Variants in SYT2 observed in about 807,000 individuals in gnomAD.
SYT2 encodes synaptotagmin-2.
A neutral mutation model predicts 39.9 loss-of-function variants in SYT2; 15 were observed. The observed-to-expected ratio is 0.38, with a 90% CI of 0.25 to 0.58. SYT2 has a LOEUF of 0.58. Ranked by LOEUF, SYT2 falls within the 20% of genes least tolerant of loss-of-function variation. The pLI is 0.70. For missense variants in SYT2, 389 were observed against 530.3 expected, an observed-to-expected ratio of 0.73 and a Z score of 2.62; for synonymous variants, 181 against 204.5, an observed-to-expected ratio of 0.89 and a Z score of 0.98.
chr1:202,616,900 C>T (rs536024246), intron 1 of SYT2, among the ~76,000 whole-genome samples: 7 of 152,344 alleles, frequency 4.6e-5, no homozygotes, highest in East Asian at 3.9e-4. Context: ...AACTGGCCCC[C>T]GACATAGCTG....
Position 202,605,747 on chromosome 1 carries a change from T to C in SYT2, c.26A>G (p.Gln9Arg). The change falls in exon 2 of 9, where the codon CAG becomes CGG. Residue 9 changes from glutamine to arginine, a missense_variant. Gln to Arg is a conservative substitution (Grantham distance 43, BLOSUM62 1). This residue lies in a region of SYT2 where 280 missense variants were observed against 335.6 expected (regional missense o/e 0.83). Coordinates refer to ENST00000367268, the MANE Select transcript of SYT2 (RefSeq NM_177402.5). Reference sequence around the variant, plus strand: ...GGTGGCAGGAGCCACAATAGGCTCCTGGTTCCTCTTGAAAATGTTCCTCAT... The same window carrying C: ...GGTGGCAGGAGCCACAATAGGCTCCCGGTTCCTCTTGAAAATGTTCCTCAT... Reference protein sequence around the residue: MRNIFKRNQEPIVAPATTT... With the variant: MRNIFKRNREPIVAPATTT... 6.2e-7 allele frequency: 1 copy of C among 1,614,146 alleles called. No individual in the cohort carries two copies. Among genetic ancestry groups the C allele is most frequent in the South Asian group, 1.1e-5 (1 of 91,082 alleles).
chr1:202,645,828 C>G (rs1164391168), intron 1 of SYT2, among the ~76,000 whole-genome samples: 2 of 152,182 alleles, frequency 1.3e-5, no homozygotes, highest in Non-Finnish European at 2.9e-5. Flanking sequence ...GATGGGAACA[C>G]AGTGGGTCCC....
intron 1 of SYT2, among the ~76,000 whole-genome samples, chr1:202,633,236 G>T (rs913096945): frequency 4.6e-5 from 7 of 151,956 alleles, no homozygotes; most frequent in Admixed American, 4.6e-4. Flanking sequence ...GCACCCACTG[G>T]GTGCCCAGCT....
chr1:202,702,729 C>T (rs1278708686), intron 1 of SYT2, among the ~76,000 whole-genome samples: 3 of 152,202 alleles, frequency 2.0e-5, no homozygotes, highest in East Asian at 3.9e-4. Context: ...ATGACCGGGC[C>T]GTCACTTGGT....
intron 1 of SYT2, among the ~76,000 whole-genome samples, chr1:202,705,095 G>T (rs1484857367): frequency 6.6e-6 from 1 of 152,264 alleles, no homozygotes; most frequent in Non-Finnish European, 1.5e-5. Flanking sequence ...CATAGGTAGA[G>T]CTGGTGAGAA....
chr1:202,686,982 C>T lies in SYT2; in HGVS notation c.-18+23276G>A, dbSNP rs10920456. Among the ~76,000 whole-genome samples the T allele has an allele frequency of 4.6e-3, 697 of 152,204 alleles. 7 individuals are homozygous for T. Among genetic ancestry groups the T allele is most frequent in the African/African-American group, 0.016 (665 of 41,520 alleles). Reference sequence around the variant, plus strand: ...TTCCCTTGGGCGGACCTGACAGCTCCCCATGCTGAGCTGCAGCCTGACAAT... The same window carrying T: ...TTCCCTTGGGCGGACCTGACAGCTCTCCATGCTGAGCTGCAGCCTGACAAT... On this transcript the variant is annotated intron_variant, in intron 1 of 8. Transcript: ENST00000367268.
rs1357849713 is a variant in SYT2 at position 202,637,823 on chromosome 1, C to T, written c.-17-32034G>A. On this transcript the variant is annotated intron_variant, in intron 1 of 8. Coordinates refer to ENST00000367268, the MANE Select transcript of SYT2 (RefSeq NM_177402.5). ...TGGCTTTCTGGTCTCCAAGGACTGCCGGCCCTGATGATCAATTTGGTGGCT... is the reference window on the plus strand; with the variant it reads ...TGGCTTTCTGGTCTCCAAGGACTGCTGGCCCTGATGATCAATTTGGTGGCT... 4.6e-5 allele frequency among the ~76,000 whole-genome samples: 7 copies of T among 152,204 alleles called. No homozygotes were observed. In the East Asian group the frequency reaches 7.7e-4, roughly 17 times the overall value.
chr1:202,707,070 G>A (rs534824026), intron 1 of SYT2, among the ~76,000 whole-genome samples: 2 of 152,252 alleles, frequency 1.3e-5, no homozygotes, highest in South Asian at 2.1e-4. Flanking sequence ...TAAATGCCAC[G>A]AGGGCAGGAA....
In SYT2 at chr1:202,695,826, A is replaced by G. The variant is rs138221083; in HGVS notation, c.-18+14432T>C. ...CTTTCTCTGCCTTTCTGAAACATTTATATGACACTCTCCCTTACACCTCTT... is the reference window on the plus strand; with the variant it reads ...CTTTCTCTGCCTTTCTGAAACATTTGTATGACACTCTCCCTTACACCTCTT... On this transcript the variant is annotated intron_variant, in intron 1 of 8. Transcript: ENST00000367268. Among the ~76,000 whole-genome samples, 467 of 152,302 alleles carry G rather than the reference A, an allele frequency of 3.1e-3. 3 individuals are homozygous for G. The highest frequency in any genetic ancestry group is 0.011 in the African/African-American group (447 of 41,556).
intron 1 of SYT2, among the ~76,000 whole-genome samples, chr1:202,656,217 C>CATGG (rs1465329322): frequency 1.3e-5 from 2 of 152,230 alleles, no homozygotes; most frequent in South Asian, 4.1e-4. Flanking sequence ...AACAGTCAGT[C>CATGG]ACGGAGCATC....
At chr1:202,707,198 G>A (rs1654274971) in intron 1 of SYT2, among the ~76,000 whole-genome samples, 1 of 152,132 alleles carries the variant, frequency 6.6e-6, no homozygotes, top group Non-Finnish European at 1.5e-5. Context: ...TAGGGCCTGC[G>A]GCTGTGCTCA....
At chr1:202,617,230 G>T (rs1691069035) in intron 1 of SYT2, among the ~76,000 whole-genome samples, 1 of 152,188 alleles carries the variant, frequency 6.6e-6, no homozygotes, top group Non-Finnish European at 1.5e-5. Flanking sequence ...GTTTGGATCT[G>T]TGTCCCTGCC....
At chr1:202,678,045 G>A (rs1056298934) in intron 1 of SYT2, among the ~76,000 whole-genome samples, 12 of 152,044 alleles carry the variant, frequency 7.9e-5, no homozygotes, top group East Asian at 1.9e-4. Context: ...AGGCCAAGGC[G>A]GGTGGATCAC....
intron 1 of SYT2, among the ~76,000 whole-genome samples, chr1:202,626,873 G>A (rs556248302): frequency 3.5e-4 from 54 of 152,254 alleles, no homozygotes; most frequent in African/African-American, 1.2e-3. Context: ...GCTACAAACC[G>A]AGGATCAGGT....
At chr1:202,704,143 C>G (rs908560316) in intron 1 of SYT2, among the ~76,000 whole-genome samples, 1 of 152,136 alleles carries the variant, frequency 6.6e-6, no homozygotes, top group African/African-American at 2.4e-5. Context: ...GGAAGTGAAG[C>G]AAGCTTTGTG....
chr1:202,597,822 G>A (rs1394978040), intron 8 of SYT2, among the ~76,000 whole-genome samples: 2 of 152,186 alleles, frequency 1.3e-5, no homozygotes, highest in African/African-American at 4.8e-5. Context: ...CAGGGACAGT[G>A]GGGATGGGAA....
At chr1:202,626,885 C>T (rs1691432468) in intron 1 of SYT2, among the ~76,000 whole-genome samples, 1 of 152,184 alleles carries the variant, frequency 6.6e-6, no homozygotes, top group Non-Finnish European at 1.5e-5. Flanking sequence ...GGATCAGGTG[C>T]CTGTCTCACA....
intron 1 of SYT2, among the ~76,000 whole-genome samples, chr1:202,687,543 C>A (rs1276154643): frequency 2.0e-5 from 3 of 151,890 alleles, no homozygotes; most frequent in African/African-American, 4.8e-5. Flanking sequence ...GAAGAGGCAC[C>A]TCTGCGGAAG....
chr1:202,637,732 T>TC (rs1398851878), intron 1 of SYT2, among the ~76,000 whole-genome samples: 1 of 152,310 alleles, frequency 6.6e-6, no homozygotes, highest in East Asian at 1.9e-4. Context: ...GGGCCTTCCT[T>TC]CCCCCTTTCA....
Sources: gnomAD v4.1 joint callset for allele counts (sites outside exome capture counted in the v4.1 genomes callset) on GRCh38, gnomAD v4.1.1 for gene constraint, gnomAD v4.1.1 regional missense constraint, MANE v1.5 for transcripts, NCBI Gene and HGNC (gene_info 2026-07-23, HGNC 2026-07-21) for gene names.